Variants in CTIF observed in about 807,000 individuals in gnomAD.
The protein encoded by CTIF is cap binding complex dependent translation initiation factor, also known as CBP80/20-dependent translation initiation factor.
Under a neutral mutation model 66.0 loss-of-function variants are expected in CTIF, and 21 were observed. The ratio of observed to expected loss-of-function variants is 0.32; its 90% CI spans 0.23 to 0.46. CTIF has a LOEUF of 0.46. Ranked by LOEUF, CTIF falls within the 20% of genes least tolerant of loss-of-function variation. CTIF has a pLI of 1.00. For synonymous variants in CTIF, 345 were observed against 326.4 expected (o/e 1.06, Z -0.62); for missense variants, 739 against 812.7 (o/e 0.91, Z 1.10).
intron 7 of CTIF, among the ~76,000 whole-genome samples, chr18:48,747,041 GGAACCATAT>G (rs1479217089): frequency 6.6e-6 from 1 of 152,068 alleles, no homozygotes; most frequent in Non-Finnish European, 1.5e-5. Flanking sequence ...CCCAAGGGCG[GGAACCATAT>G]GTTATGTTGC....
chr18:48,656,007 T>C (rs139042998), intron 3 of CTIF, among the ~76,000 whole-genome samples: 10 of 152,358 alleles, frequency 6.6e-5, no homozygotes, highest in Admixed American at 2.0e-4. Context: ...TTTTCTATCA[T>C]ACAGCAACTC....
chr18:48,767,037 C>T (rs965740408), intron 9 of CTIF, among the ~76,000 whole-genome samples: 2 of 130,374 alleles, frequency 1.5e-5, no homozygotes, highest in Non-Finnish European at 3.4e-5. Flanking sequence ...GGCCACACTT[C>T]GCAGTTCAGC....
chr18:48,646,249 TA>T (rs1339601322), intron 3 of CTIF, among the ~76,000 whole-genome samples: 1 of 150,624 alleles, frequency 6.6e-6, no homozygotes, highest in African/African-American at 2.4e-5. Flanking sequence ...ATGGACAAAA[TA>T]AAGTGACATT....
chr18:48,684,073 G>GC (rs2091794083), intron 6 of CTIF, among the ~76,000 whole-genome samples: 1 of 152,202 alleles, frequency 6.6e-6, no homozygotes, highest in Non-Finnish European at 1.5e-5. Context: ...TGGAGCAAAT[G>GC]ACCTCAGTAG....
intron 1 of CTIF, among the ~76,000 whole-genome samples, chr18:48,597,780 AAC>A (rs1241927620): frequency 4.6e-5 from 7 of 152,226 alleles, no homozygotes. Context: ...AGAATGGCCT[AAC>A]ACAGGTGGAT....
chr18:48,540,212 G>C (rs1345606895), intron 1 of CTIF: 1 of 152,310 alleles, frequency 6.6e-6, no homozygotes, highest in Admixed American at 6.5e-5. Flanking sequence ...AATCGGGCCT[G>C]GGGAATAGAT....
At chr18:48,684,077 T>C (rs73445525) in intron 6 of CTIF, among the ~76,000 whole-genome samples, 7,177 of 152,268 alleles carry the variant, frequency 0.047, 249 homozygotes, top group African/African-American at 0.093. Flanking sequence ...GCAAATGACC[T>C]CAGTAGCCAC....
chr18:48,656,884 T>C (rs1223125582), intron 3 of CTIF, among the ~76,000 whole-genome samples: 1 of 152,136 alleles, frequency 6.6e-6, no homozygotes, highest in Non-Finnish European at 1.5e-5. Context: ...GGGCCAACCA[T>C]GGAATTGCCA....
At chr18:48,686,324 A>T (rs188684336) in intron 6 of CTIF, among the ~76,000 whole-genome samples, 5 of 152,176 alleles carry the variant, frequency 3.3e-5, no homozygotes, top group South Asian at 2.1e-4. Context: ...AGCCCTTGCA[A>T]ACTGGCTTCT....
chr18:48,787,577 G>T (rs1911825962), intron 9 of CTIF, among the ~76,000 whole-genome samples: 1 of 152,128 alleles, frequency 6.6e-6, no homozygotes, highest in Non-Finnish European at 1.5e-5. Context: ...TCCAACCAGG[G>T]ACCGTGACGG....
intron 1 of CTIF, among the ~76,000 whole-genome samples, chr18:48,555,645 AT>A (rs2089001054): frequency 6.6e-6 from 1 of 152,172 alleles, no homozygotes. Context: ...CTCTGGCTTC[AT>A]TTCTTTTTTG....
At chr18:48,677,173 G>A (rs764512007) in intron 6 of CTIF, among the ~76,000 whole-genome samples, 1 of 152,178 alleles carries the variant, frequency 6.6e-6, no homozygotes, top group Non-Finnish European at 1.5e-5. Context: ...GTGAGGATTA[G>A]TAAAGTGCCC....
intron 1 of CTIF, among the ~76,000 whole-genome samples, chr18:48,595,471 G>T (rs557318983): frequency 3.9e-5 from 6 of 152,212 alleles, no homozygotes; most frequent in African/African-American, 1.4e-4. Flanking sequence ...CTGTCACCCA[G>T]GCTGGAGTGC....
chr18:48,716,802 C>A (rs1220132127), intron 7 of CTIF, among the ~76,000 whole-genome samples: 1 of 152,180 alleles, frequency 6.6e-6, no homozygotes, highest in Admixed American at 6.5e-5. Context: ...GCCTGTGCGG[C>A]CAGGGAGACA....
chr18:48,634,560 C>G (rs1208363415), intron 2 of CTIF, among the ~76,000 whole-genome samples: 2 of 152,208 alleles, frequency 1.3e-5, no homozygotes, highest in Non-Finnish European at 2.9e-5. Flanking sequence ...TGCATAGAAG[C>G]CTGTCTGGTG....
rs1471658734 is a variant in CTIF, at chr18:48,774,749, T to TGCCCCTGCCTC, written c.1371+13061_1371+13071dup. ...TGGGAGCCAGCACGTCACCATGTCA[T>TGCCCCTGCCTC]GCCCCTGCCTCCCAGTTTTCCGTAG... On this transcript the variant is annotated intron_variant, in intron 9 of 11. Transcript: ENST00000256413. 5.3e-5 allele frequency among the ~76,000 whole-genome samples: 8 copies of TGCCCCTGCCTC among 152,228 alleles called. No homozygotes were observed. In the East Asian group the frequency reaches 1.2e-3, roughly 22 times the overall value.
intron 10 of CTIF, among the ~76,000 whole-genome samples, chr18:48,834,409 C>G (rs1174231479): frequency 2.6e-5 from 4 of 152,200 alleles, no homozygotes; most frequent in Admixed American, 2.6e-4. Context: ...CTATTCTTAG[C>G]TCATGGGCCA....
intron 1 of CTIF, among the ~76,000 whole-genome samples, chr18:48,610,867 G>T (rs1038000508): frequency 6.6e-6 from 1 of 152,220 alleles, no homozygotes; most frequent in South Asian, 2.1e-4. Flanking sequence ...GCTCAGGAGG[G>T]TATGAGGACA....
intron 2 of CTIF, among the ~76,000 whole-genome samples, chr18:48,626,657 T>TG (rs1474053938): frequency 3.4e-5 from 3 of 87,050 alleles, no homozygotes; most frequent in African/African-American, 1.2e-4. Context: ...TTTTTTTTTG[T>TG]TTTTTTTTTT....
Sources: gnomAD v4.1 joint callset for allele counts (sites outside exome capture counted in the v4.1 genomes callset) on GRCh38, gnomAD v4.1.1 for gene constraint, MANE v1.5 for transcripts, NCBI Gene and HGNC (gene_info 2026-07-23, HGNC 2026-07-21) for gene names.